ZNF883: variants seen among roughly 807,000 people sequenced by gnomAD.
The protein encoded by ZNF883 is zinc finger protein 883.
At chr9:113,004,340 G>A (rs970761725) in intron 2 of ZNF883, among the ~76,000 whole-genome samples, 12 of 152,108 alleles carry the variant, frequency 7.9e-5, no homozygotes, top group Non-Finnish European at 1.6e-4. Context: ...ACATTGCTAG[G>A]GCAGTGCTAG....
At chr9:113,011,511 A>G (rs1388475208) in intron 1 of ZNF883, among the ~76,000 whole-genome samples, 6 of 152,202 alleles carry the variant, frequency 3.9e-5, no homozygotes, top group African/African-American at 4.8e-5. Context: ...AGCATATACA[A>G]TTTTTCGAAG....
In ZNF883 at chr9:113,012,146, T is replaced by C. The variant is rs1275316325; in HGVS notation, n.78+4A>G. 1.3e-5 allele frequency: 2 copies of C among 151,944 alleles called. No individual in the cohort carries two copies. Among genetic ancestry groups the C allele is most frequent in the South Asian group, 2.1e-4 (1 of 4,798 alleles). 9.4% of individuals were successfully genotyped at this position (151,944 alleles called of 1,614,324 possible). On this transcript the variant is annotated splice_donor_region_variant and intron_variant and non_coding_transcript_variant, in intron 1 of 4. Transcript: ENST00000638622. Reference sequence around the variant, plus strand: ...GTGCAAGGGTCGGGAAAGAAAAAGCTCACCTGCTCCACCGAAAAATAAAGA... The same window carrying C: ...GTGCAAGGGTCGGGAAAGAAAAAGCCCACCTGCTCCACCGAAAAATAAAGA...
chr9:112,990,646 G>A (rs1828293817), intron 1 of ZNF883, among the ~76,000 whole-genome samples: 1 of 152,158 alleles, frequency 6.6e-6, no homozygotes, highest in Non-Finnish European at 1.5e-5. Context: ...TTAGTGAGGA[G>A]TCCCTCCTTT....
exon 1 of ZNF883, chr9:112,997,452 A>C (rs759608486): frequency 1.2e-6 from 2 of 1,614,110 alleles, no homozygotes; most frequent in Non-Finnish European, 1.7e-6. Context: ...GTTTTTCCAC[A>C]TTCTTTACAA....
intron 2 of ZNF883, among the ~76,000 whole-genome samples, chr9:113,008,394 C>T (rs973135983): frequency 1.3e-5 from 2 of 151,812 alleles, no homozygotes; most frequent in Non-Finnish European, 2.9e-5. Flanking sequence ...GGGAATGGTG[C>T]ATAGAGTAAC....
chr9:112,999,961 T>C (rs748350817), upstream of ZNF883: 1 of 152,218 alleles, frequency 6.6e-6, no homozygotes. Context: ...GATCCACTAT[T>C]GAGGCTATCT....
At chr9:113,008,852 G>T (rs977342857) in intron 2 of ZNF883, among the ~76,000 whole-genome samples, 3 of 151,870 alleles carry the variant, frequency 2.0e-5, no homozygotes, top group African/African-American at 7.3e-5. Context: ...AGTATAATGG[G>T]AATACTTCCT....
upstream of ZNF883, among the ~76,000 whole-genome samples, chr9:113,001,523 A>C (rs539502799): frequency 6.6e-6 from 1 of 152,222 alleles, no homozygotes; most frequent in South Asian, 2.1e-4. Flanking sequence ...AGGTTTTTAA[A>C]ATACAGACGA....
At chr9:112,998,470 A>G (rs1828388486), upstream of ZNF883, 3 of 390,432 alleles carry the variant, frequency 7.7e-6, no homozygotes, top group Non-Finnish European at 1.3e-5. Context: ...CATTGATGTC[A>G]TAGTTACAGT....
chr9:112,992,541 T>G (rs1023280512), downstream of ZNF883, among the ~76,000 whole-genome samples: 2 of 152,198 alleles, frequency 1.3e-5, no homozygotes, highest in Middle Eastern at 3.2e-3. Flanking sequence ...TTGGAGAATC[T>G]GATGATTATG....
At chr9:113,009,514 C>CTTTT (rs72131069) in intron 2 of ZNF883, among the ~76,000 whole-genome samples, 2 of 145,112 alleles carry the variant, frequency 1.4e-5, no homozygotes, top group East Asian at 4.1e-4. Flanking sequence ...GCTCATATTC[C>CTTTT]TTTTTTTTTT....
intron 1 of ZNF883, among the ~76,000 whole-genome samples, chr9:112,990,419 T>C (rs2118596063): frequency 6.6e-6 from 1 of 152,384 alleles, no homozygotes; most frequent in East Asian, 1.9e-4. Context: ...ATTACATTTA[T>C]TGACTTGCAT....
intron 1 of ZNF883, among the ~76,000 whole-genome samples, chr9:112,989,252 T>C (rs922520209): frequency 6.6e-6 from 1 of 152,250 alleles, no homozygotes; most frequent in Non-Finnish European, 1.5e-5. Flanking sequence ...AGGATATTTA[T>C]AGTTTTGGGT....
At chr9:113,010,820 T>C (rs1828527266) in intron 2 of ZNF883, among the ~76,000 whole-genome samples, 1 of 151,954 alleles carries the variant, frequency 6.6e-6, no homozygotes, top group African/African-American at 2.4e-5. Context: ...ACCCCATCTC[T>C]ACTAAAAATA....
At chr9:113,011,879 G>A (rs1391941289) in intron 1 of ZNF883, among the ~76,000 whole-genome samples, 1 of 152,100 alleles carries the variant, frequency 6.6e-6, no homozygotes, top group Non-Finnish European at 1.5e-5. Flanking sequence ...ACCCAGAAGA[G>A]AACCCAAGCC....
chr9:113,008,069 A>G (rs1360558743), intron 2 of ZNF883, among the ~76,000 whole-genome samples: 1 of 152,242 alleles, frequency 6.6e-6, no homozygotes, highest in Non-Finnish European at 1.5e-5. Context: ...GTCCTTCTAA[A>G]GACATAAATT....
chr9:113,000,626 A>G (rs1828413395), upstream of ZNF883, among the ~76,000 whole-genome samples: 1 of 152,270 alleles, frequency 6.6e-6, no homozygotes, highest in Non-Finnish European at 1.5e-5. Flanking sequence ...ACAAAACAAG[A>G]TTCATAAAGA....
intron 1 of ZNF883, among the ~76,000 whole-genome samples, chr9:112,988,308 C>T (rs1258701298): frequency 6.6e-6 from 1 of 151,444 alleles, no homozygotes; most frequent in Non-Finnish European, 1.5e-5. Flanking sequence ...CCTGCTGCAC[C>T]CCCAACAGGC....
chr9:112,996,813 AAAAAAAAAAAAGT>A (rs1564332039), downstream of ZNF883, among the ~76,000 whole-genome samples: 6 of 141,256 alleles, frequency 4.2e-5, no homozygotes, highest in Admixed American at 1.4e-4. Flanking sequence ...AAAAAAAAAA[AAAAAAAAAAAAGT>A]TTTTTTATAA....
Sources: allele counts gnomAD v4.1 joint callset (sites outside exome capture counted in the v4.1 genomes callset), GRCh38; gene constraint gnomAD v4.1.1; transcripts MANE v1.5; gene names NCBI Gene and HGNC (gene_info 2026-07-23, HGNC 2026-07-21).